The following UBE2R2 variants were observed in gnomAD, a reference collection of about 807,000 sequenced individuals.
The protein encoded by UBE2R2 is ubiquitin conjugating enzyme E2 R2, also known as ubiquitin-conjugating enzyme E2 R2.
Under a neutral mutation model 27.8 loss-of-function variants are expected in UBE2R2, and 1 was observed. The observed-to-expected ratio is 0.04, with a 90% confidence interval of 0.01 to 0.17. The LOEUF is 0.17. Ranked by LOEUF, UBE2R2 falls within the 10% of genes least tolerant of loss-of-function variation. UBE2R2 has a pLI of 1.00. For synonymous variants in UBE2R2, 106 were observed against 113.3 expected (o/e 0.94, Z 0.41); for missense variants, 100 against 291.0 (o/e 0.34, Z 4.78).
chr9:33,892,396 TAGAC>T (rs1308932618), intron 2 of UBE2R2, among the ~76,000 whole-genome samples: 1 of 152,188 alleles, frequency 6.6e-6, no homozygotes, highest in Non-Finnish European at 1.5e-5. Context: ...TTTTTTATAA[TAGAC>T]ATTAATTTTT....
chr9:33,859,760 T>TTGTGTGTGTGTGTGTGTGTG (rs57089790), intron 1 of UBE2R2, among the ~76,000 whole-genome samples: 11 of 130,612 alleles, frequency 8.4e-5, no homozygotes, highest in East Asian at 2.9e-4. Flanking sequence ...TCTAAGCCTT[T>TTGTGTGTGTGTGTGTGTGTG]TGTGTGTGTG....
At chr9:33,834,635 G>T (rs10971728) in intron 1 of UBE2R2, among the ~76,000 whole-genome samples, 11,979 of 151,852 alleles carry the variant, frequency 0.079, 681 homozygotes, top group Non-Finnish European at 0.12. Context: ...TATAGACCTC[G>T]CACGGTGGCT....
At chr9:33,878,678 C>A (rs1821667859) in intron 1 of UBE2R2, among the ~76,000 whole-genome samples, 1 of 152,042 alleles carries the variant, frequency 6.6e-6, no homozygotes, top group Non-Finnish European at 1.5e-5. Flanking sequence ...GCGAGGGATG[C>A]CAGCAGCCTG....
intron 1 of UBE2R2, among the ~76,000 whole-genome samples, chr9:33,873,936 T>C (rs1208656021): frequency 6.8e-6 from 1 of 147,532 alleles, no homozygotes; most frequent in South Asian, 2.2e-4. Flanking sequence ...AACCAGCCAC[T>C]GTGCCTGGCC....
chr9:33,834,383 T>G (rs1587431619), intron 1 of UBE2R2, among the ~76,000 whole-genome samples: 1 of 151,678 alleles, frequency 6.6e-6, no homozygotes, highest in Admixed American at 6.6e-5. Flanking sequence ...AGCTGATTTT[T>G]TGTATTTTTA....
chr9:33,864,422 G>A (rs1431288907), intron 1 of UBE2R2, among the ~76,000 whole-genome samples: 1 of 152,036 alleles, frequency 6.6e-6, no homozygotes, highest in Non-Finnish European at 1.5e-5. Context: ...AACTCTGAGA[G>A]CCCAAAATGC....
intron 1 of UBE2R2, among the ~76,000 whole-genome samples, chr9:33,854,538 T>C (rs1023167401): frequency 1.3e-5 from 2 of 151,970 alleles, no homozygotes. Context: ...GCCAGTTTGG[T>C]CTTGAACTCC....
intron 1 of UBE2R2, among the ~76,000 whole-genome samples, chr9:33,844,161 TATTA>T (rs545016548): frequency 6.6e-6 from 1 of 152,324 alleles, no homozygotes; most frequent in Admixed American, 6.5e-5. Context: ...TCATAAGTTT[TATTA>T]ATTTGTCCAA....
intron 1 of UBE2R2, among the ~76,000 whole-genome samples, chr9:33,856,839 G>GTCCTTCCATCCA (rs1821113224): frequency 6.9e-6 from 1 of 145,542 alleles, no homozygotes; most frequent in East Asian, 2.0e-4. Context: ...CCGTCTGTCC[G>GTCCTTCCATCCA]TCCTTCCATC....
chr9:33,830,771 G>GA (rs370816652), intron 1 of UBE2R2, among the ~76,000 whole-genome samples: 5,373 of 136,112 alleles, frequency 0.039, 140 homozygotes, highest in Non-Finnish European at 0.061. Context: ...CCTCTCAAAG[G>GA]AAAAAAAAAA....
intron 1 of UBE2R2, among the ~76,000 whole-genome samples, chr9:33,853,845 A>G (rs948728605): frequency 7.6e-6 from 1 of 132,314 alleles, no homozygotes; most frequent in Non-Finnish European, 1.5e-5. Context: ...GGCACGTGCC[A>G]CCACACCTAG....
rs761557781 is a variant in UBE2R2 at position 33,900,295 on chromosome 9, GTTATTC to G, written c.362+28_362+33del. 1.7e-5 allele frequency: 26 copies of G among 1,559,976 alleles called. No individual in the cohort carries two copies. In the Admixed American group the frequency reaches 2.2e-4, roughly 13 times the overall value. On this transcript the variant is annotated intron_variant, in intron 3 of 4. Coordinates refer to ENST00000263228, the MANE Select transcript of UBE2R2 (RefSeq NM_017811.4). ...AGGTAAGGAGGAATCTGGTTTTGGA[GTTATTC>G]TTAATCTCCTTATTGTCTTTGCTCC...
rs1454513183 is a variant in UBE2R2, at chr9:33,840,205, T to G, written c.177+22271T>G. On this transcript the variant is annotated intron_variant, in intron 1 of 4. Coordinates refer to ENST00000263228, the MANE Select transcript of UBE2R2 (RefSeq NM_017811.4). ...ATAAGGCGAATATCCATATCCCCAGTTCAAGAAACAGAACTTTTCAGCCAT... is the reference window on the plus strand; with the variant it reads ...ATAAGGCGAATATCCATATCCCCAGGTCAAGAAACAGAACTTTTCAGCCAT... Among the ~76,000 whole-genome samples, 3 of 152,250 alleles carry G rather than the reference T, an allele frequency of 2.0e-5. No homozygotes were observed. In the East Asian group the frequency reaches 5.8e-4, roughly 29 times the overall value.
rs7858968 is a variant in UBE2R2, at chr9:33,908,121, C to T, written c.363-3843C>T. Among the ~76,000 whole-genome samples, 207 of 152,256 alleles carry T rather than the reference C, an allele frequency of 1.4e-3. 1 individual carries two copies. The highest frequency in any genetic ancestry group is 4.5e-3 in the African/African-American group (189 of 41,550). ...GTTACAGGTGTGAGCCACCGCACCC[C>T]GCCTGAAATAGTTCTTAAATTCAAA... On this transcript the variant is annotated intron_variant, in intron 3 of 4. Transcript: ENST00000263228.
rs1451495529 is a variant in UBE2R2, at chr9:33,919,702, T to G, written c.*2465T>G. 6.6e-6 allele frequency: 1 copy of G among 151,386 alleles called. No individual in the cohort carries two copies. Among genetic ancestry groups the G allele is most frequent in the Non-Finnish European group, 1.5e-5 (1 of 67,926 alleles). The allele number at this position is 151,386 out of a possible 1,614,324, so 9.4% of individuals were successfully genotyped here. ...AGCTCTGTCCCTGAGAACACATCCC[T>G]GTGGAAAATACTTGAGTTTGTAATT... On this transcript the variant is annotated 3_prime_UTR_variant, in exon 5 of 5. Coordinates refer to ENST00000263228, the MANE Select transcript of UBE2R2 (RefSeq NM_017811.4).
chr9:33,908,969 T>C (rs1438581405), intron 3 of UBE2R2, among the ~76,000 whole-genome samples: 1 of 151,550 alleles, frequency 6.6e-6, no homozygotes, highest in Non-Finnish European at 1.5e-5. Context: ...AAATAGCCTC[T>C]GTATTCCAGC....
At chr9:33,859,003 T>C (rs1587449976) in intron 1 of UBE2R2, among the ~76,000 whole-genome samples, 1 of 151,932 alleles carries the variant, frequency 6.6e-6, no homozygotes, top group Admixed American at 6.6e-5. Context: ...TTTTTGTATT[T>C]TTAGTAGAGA....
chr9:33,844,874 C>T (rs1047631564), intron 1 of UBE2R2, among the ~76,000 whole-genome samples: 1 of 151,622 alleles, frequency 6.6e-6, no homozygotes, highest in African/African-American at 2.4e-5. Flanking sequence ...TCAAGCGATT[C>T]TCTTGCCTCA....
chr9:33,841,945 T>G (rs371740476), intron 1 of UBE2R2, among the ~76,000 whole-genome samples: 74 of 152,298 alleles, frequency 4.9e-4, no homozygotes, highest in Non-Finnish European at 1.0e-4. Context: ...CTGTATTATA[T>G]CTATCTTGTC....
Sources: allele counts gnomAD v4.1 joint callset (sites outside exome capture counted in the v4.1 genomes callset), GRCh38; gene constraint gnomAD v4.1.1; transcripts MANE v1.5; gene names NCBI Gene and HGNC (gene_info 2026-07-23, HGNC 2026-07-21).